POLRMT: variants seen among roughly 807,000 people sequenced by gnomAD.
The protein encoded by POLRMT is RNA polymerase mitochondrial.
Under a neutral mutation model 132.2 loss-of-function variants are expected in POLRMT, and 114 were observed. The observed-to-expected ratio is 0.86, with a 90% CI of 0.74 to 1.01. POLRMT has a LOEUF of 1.01. Ranked by LOEUF, POLRMT falls within the 50% of genes least tolerant of loss-of-function variation. The probability of loss-of-function intolerance (pLI) is 0.00; values close to 1 mark genes in which losing one functional copy is unlikely to be tolerated. For synonymous variants in POLRMT, 1,020 were observed against 773.4 expected, an observed-to-expected ratio of 1.32 and a Z score of -5.29; for missense variants, 2,003 against 1,729.1, an observed-to-expected ratio of 1.16 and a Z score of -2.81.
rs139828493 is a variant in POLRMT, at chr19:619,589, G to A, written c.3063C>T (p.Pro1021=). 33 of 1,611,482 alleles carry A rather than the reference G, an allele frequency of 2.0e-5. No individual in the cohort carries two copies. Among genetic ancestry groups the A allele is most frequent in the Non-Finnish European group, 2.7e-5 (32 of 1,179,640 alleles). ...EKRLRELSDF[P]QEFVWEASHY... Reference sequence around the variant, plus strand: ...CAGCGCGACATGCCTGGCGCACCTGGGGAAAGTCGCTCAGCTCCCGGAGGC... The same window carrying A: ...CAGCGCGACATGCCTGGCGCACCTGAGGAAAGTCGCTCAGCTCCCGGAGGC... The change falls in exon 13 of 21, where the codon CCC becomes CCT. Residue 1021 remains proline (P), a synonymous_variant. Coordinates refer to ENST00000588649, the MANE Select transcript of POLRMT (RefSeq NM_005035.4).
chr19:624,548 CCT>C (rs1345891811), intron 5 of POLRMT, among the ~76,000 whole-genome samples, 169 bp downstream of exon 5: 1 of 152,162 alleles, frequency 6.6e-6, no homozygotes, highest in Non-Finnish European at 1.5e-5. Context: ...GGGCCAAGAC[CCT>C]CCCAGCTCTG....
In POLRMT at chr19:621,497, G is replaced by A. The variant is rs1267559063; in HGVS notation, c.2201C>T (p.Pro734Leu). Residue 734 changes from proline to leucine, a missense_variant, in exon 10 of 21, where the codon CCG (proline) becomes CTG (leucine). Pro to Leu is a moderately conservative substitution (Grantham distance 98, BLOSUM62 -3). Transcript: ENST00000588649. ...KGCPQLGVPA[P>L]PSEAPQPPEA... ...GGGCGGCTGGGGCGCCTCGGAGGGCGGGGCCGGCACGCCTAGCTGGGGGCA... is the reference window on the plus strand; with the variant it reads ...GGGCGGCTGGGGCGCCTCGGAGGGCAGGGCCGGCACGCCTAGCTGGGGGCA... 10 of 1,371,204 alleles carry A rather than the reference G, an allele frequency of 7.3e-6. No homozygotes were observed. The highest frequency in any genetic ancestry group is 1.5e-5 in the African/African-American group (1 of 64,964). 84.9% of individuals were successfully genotyped at this position (1,371,204 alleles called of 1,614,324 possible). A position where few individuals can be genotyped will look rare whatever the true frequency, so the allele number is the denominator to read the frequency against.
At position 631,347 on chromosome 19, in the gene POLRMT, G is replaced by A. The variant is rs139762414; in HGVS notation, c.194-1179C>T. Among the ~76,000 whole-genome samples the A allele has an allele frequency of 5.2e-3, 770 of 149,346 alleles. 7 individuals carry two copies. The highest frequency in any genetic ancestry group is 7.3e-3 in the Non-Finnish European group (491 of 67,172). Reference sequence around the variant, plus strand: ...TGTCTCAAAAAAAAAAAGGGGGGGGGGGACCCAGGTGTCCAGATGTGGTGG... The same window carrying A: ...TGTCTCAAAAAAAAAAAGGGGGGGGAGGACCCAGGTGTCCAGATGTGGTGG... On this transcript the variant is annotated intron_variant, in intron 2 of 20. Coordinates refer to ENST00000588649, the MANE Select transcript of POLRMT (RefSeq NM_005035.4).
At chr19:622,428 C>G in intron 8 of POLRMT, 55 bp from the exon 9 acceptor site, 3 of 1,491,168 alleles carry the variant, frequency 2.0e-6, no homozygotes, top group Non-Finnish European at 2.7e-6. Context: ...GCTAGATGCC[C>G]CACCGCCCGT....
At position 623,600 on chromosome 19, in the gene POLRMT, C is replaced by G. The variant is rs1377257605; in HGVS notation, c.1144G>C (p.Gly382Arg). 5 of 1,613,436 alleles carry G rather than the reference C, an allele frequency of 3.1e-6. No homozygotes were observed. The highest frequency in any genetic ancestry group is 1.3e-5 in the African/African-American group (1 of 74,942). The change falls in exon 6 of 21, where the codon GGG becomes CGG. Residue 382 changes from glycine (G) to arginine (R), a missense_variant. By Grantham distance (125) the Gly-to-Arg change is moderately radical. Transcript: ENST00000588649. ...KLLRDVYAKD[G>R]RVSYPKLHLP... ...TGCAGCTTCGGGTAGGACACACGCC[C>G]ATCCTGCAGGGATGGGGGTAGTGAG...
At chr19:624,501 C>A (rs1430179005) in intron 5 of POLRMT, among the ~76,000 whole-genome samples, 3 of 152,124 alleles carry the variant, frequency 2.0e-5, no homozygotes, top group Admixed American at 6.5e-5. Context: ...CTCTCTGCGG[C>A]CCCCGACCAC....
At chr19:631,192 G>A (rs1341823132) in intron 2 of POLRMT, among the ~76,000 whole-genome samples, 1 of 151,990 alleles carries the variant, frequency 6.6e-6, no homozygotes, top group Non-Finnish European at 1.5e-5. Context: ...GCCGGGTACA[G>A]GGCCGCGCAC....
Position 619,647 on chromosome 19 carries a change from G to A in POLRMT, c.3005C>T (p.Thr1002Met), listed in dbSNP as rs775563440. 5.6e-6 allele frequency: 9 copies of A among 1,610,732 alleles called. No individual in the cohort carries two copies. Among genetic ancestry groups the A allele is most frequent in the Admixed American group, 1.7e-5 (1 of 59,978 alleles). Reference sequence around the variant, plus strand: ...AATCTGCAGGCGCCCGCCATAGCGCGTGACCCCGTACACCACCGTCATCAC... The same window carrying A: ...AATCTGCAGGCGCCCGCCATAGCGCATGACCCCGTACACCACCGTCATCAC... ...QTVMTVVYGV[T>M]RYGGRLQIEK... The change falls in exon 13 of 21, where the codon ACG (threonine) becomes ATG (methionine). Residue 1002 changes from threonine to methionine, a missense_variant. Thr to Met is a moderately conservative substitution (Grantham distance 81). Coordinates refer to ENST00000588649, the MANE Select transcript of POLRMT (RefSeq NM_005035.4).
chr19:618,146 C>T (rs1984159466), intron 17 of POLRMT: 7 of 565,768 alleles, frequency 1.2e-5, no homozygotes, highest in Non-Finnish European at 2.2e-5. Context: ...GGCCACCACC[C>T]CGCATCCTGA....
At chr19:625,447 G>A (rs1984958089) in intron 3 of POLRMT, 193 bp from the exon 4 acceptor site, 6 of 640,362 alleles carry the variant, frequency 9.4e-6, no homozygotes, top group South Asian at 2.4e-5. Context: ...AGAGGCAGCC[G>A]CATGGCCCGC....
intron 17 of POLRMT, chr19:618,158 C>A (rs1984160661): frequency 3.6e-6 from 2 of 560,704 alleles, no homozygotes; most frequent in South Asian, 2.1e-5. Context: ...GCATCCTGAG[C>A]ATTCCCAGCT....
chr19:625,071 A>G (rs1984925499), intron 4 of POLRMT, 53 bp downstream of exon 4: 1 of 1,580,084 alleles, frequency 6.3e-7, no homozygotes, highest in Non-Finnish European at 8.6e-7. Flanking sequence ...CCCAGATCTT[A>G]AAACCCTGGG....
At position 617,611 on chromosome 19, in the gene POLRMT, C is replaced by G; in HGVS notation, c.3540G>C (p.Leu1180=). 1 of 1,612,452 alleles carries G rather than the reference C, an allele frequency of 6.2e-7. No homozygotes were observed. The highest frequency in any genetic ancestry group is 2.2e-5 in the East Asian group (1 of 44,880). The part of the protein sequence containing the change: ...QFVRLHSEPI[L]QDLSRFLVKR... The stretch of plus-strand genomic sequence containing the variant: ...TGACCAGGAATCTGGACAGGTCCTG[C>G]AGGATGGGCTCGCTGTGCAAGCGGA... Residue 1180 remains leucine (L), a synonymous_variant, in exon 19 of 21, where the codon CTG becomes CTC. Transcript: ENST00000588649.
chr19:626,221 GCTCA>G (rs1243260193), intron 3 of POLRMT, among the ~76,000 whole-genome samples: 4 of 151,784 alleles, frequency 2.6e-5, no homozygotes, highest in Non-Finnish European at 4.4e-5. Flanking sequence ...CGCAATCTCA[GCTCA>G]CTGTCAACCT....
chr19:622,423 A>C (rs1984688010), intron 8 of POLRMT, 50 bp from the exon 9 acceptor site: 1 of 1,496,700 alleles, frequency 6.7e-7, no homozygotes, highest in African/African-American at 1.4e-5. Context: ...CCTGAGCTAG[A>C]TGCCCCACCG....
rs1568167679 is a variant in POLRMT, at chr19:621,534, G to A, written c.2164C>T (p.Gln722Ter). 7.1e-7 allele frequency: 1 copy of A among 1,404,292 alleles called. No homozygotes were observed. Among genetic ancestry groups the A allele is most frequent in the Non-Finnish European group, 9.2e-7 (1 of 1,088,092 alleles). The allele number at this position is 1,404,292 out of a possible 1,614,324, so 87.0% of individuals were successfully genotyped here. Residue 722 changes from glutamine (Q) to a stop codon, truncating the protein, a stop_gained, in exon 10 of 21, where the codon CAG becomes TAG. Transcript: ENST00000588649. LOFTEE classifies it high-confidence loss of function. ...CCTAGCTGGGGGCAGCCCTTGGCCTGGAAGAGCTGCAGCACCAGGTCCAGC... is the reference window on the plus strand; with the variant it reads ...CCTAGCTGGGGGCAGCCCTTGGCCTAGAAGAGCTGCAGCACCAGGTCCAGC... ...RVLDLVLQLF[Q>*]AKGCPQLGVP...
At chr19:620,612 G>C in intron 10 of POLRMT, 125 bp from the exon 11 acceptor site, 1 of 1,215,712 alleles carries the variant, frequency 8.2e-7, no homozygotes, top group Non-Finnish European at 1.1e-6. Context: ...AACACGGGAC[G>C]CATGTGGGCG....
chr19:624,852 G>A lies in POLRMT; in HGVS notation c.1007C>T (p.Ala336Val). 1 of 1,613,216 alleles carries A rather than the reference G, an allele frequency of 6.2e-7. No homozygotes were observed. The highest frequency in any genetic ancestry group is 8.5e-7 in the Non-Finnish European group (1 of 1,179,938). Residue 336 changes from alanine (A) to valine (V), a missense_variant, in exon 5 of 21, where the codon GCC (alanine) becomes GTC (valine). Physicochemically the swap from Ala to Val is moderately conservative, Grantham distance 64. Coordinates refer to ENST00000588649, the MANE Select transcript of POLRMT (RefSeq NM_005035.4). Reference protein sequence around the residue: ...EGLKLQALFTAVLLSEEDRAT... With the variant: ...EGLKLQALFTVVLLSEEDRAT... ...CCGATCCTCCTCAGACAGCAGAACG[G>A]CGGTGAAGAGTGCCTGCAGCTTCAG...
intron 9 of POLRMT, 113 bp from the exon 10 acceptor site, chr19:621,959 G>A (rs1369253914): frequency 7.5e-7 from 1 of 1,340,762 alleles, no homozygotes; most frequent in Non-Finnish European, 1.0e-6. Flanking sequence ...AACCAGTGTG[G>A]CCTCCCACGA....
Sources: gnomAD v4.1 joint callset for allele counts (sites outside exome capture counted in the v4.1 genomes callset) on GRCh38, gnomAD v4.1.1 for gene constraint, MANE v1.5 for transcripts, NCBI Gene and HGNC (gene_info 2026-07-23, HGNC 2026-07-21) for gene names.